DST: variants seen among roughly 807,000 people sequenced by gnomAD.
DST encodes the protein dystonin.
Under a neutral mutation model 875.2 loss-of-function variants are expected in DST, and 253 were observed. The ratio of observed to expected loss-of-function variants is 0.29; its 90% CI spans 0.26 to 0.32. The LOEUF (loss-of-function observed/expected upper bound fraction) is 0.32, where lower values mean the gene tolerates loss of function less well. Among genes scored for constraint, DST ranks in the 10% least tolerant of loss-of-function variants. The pLI is 1.00. For missense variants in DST, 8,287 were observed against 9,111.6 expected (o/e 0.91, Z 3.68); for synonymous variants, 3,124 against 3,197.1 (o/e 0.98, Z 0.77).
chr6:56,609,978 TAAG>T (rs1290084934), intron 39 of DST, among the ~76,000 whole-genome samples: 2 of 152,196 alleles, frequency 1.3e-5, no homozygotes, highest in African/African-American at 2.4e-5. Context: ...ATTTATACTT[TAAG>T]AAGATGCTAG....
intron 72 of DST, among the ~76,000 whole-genome samples, chr6:56,512,703 A>C (rs2096501540): frequency 6.6e-6 from 1 of 152,234 alleles, no homozygotes; most frequent in Non-Finnish European, 1.5e-5. Flanking sequence ...AAAATCAATT[A>C]TGAGCATTAT....
chr6:56,811,169 G>A (rs2099759470), intron 4 of DST, among the ~76,000 whole-genome samples: 1 of 115,124 alleles, frequency 8.7e-6, no homozygotes, highest in South Asian at 3.2e-4. Flanking sequence ...AGGCGACAGA[G>A]CAAGACCCTG....
chr6:56,565,120 T>A (rs2097646571), intron 55 of DST, among the ~76,000 whole-genome samples: 1 of 149,482 alleles, frequency 6.7e-6, no homozygotes, highest in African/African-American at 2.5e-5. Context: ...TTCTTTTTTT[T>A]TTTTCTTTTT....
In DST at chr6:56,689,261, A is replaced by C. The variant is rs78716468; in HGVS notation, c.1047+10392T>G. 6.1e-3 allele frequency among the ~76,000 whole-genome samples: 935 copies of C among 152,260 alleles called. 11 individuals carry two copies. The highest frequency in any genetic ancestry group is 0.022 in the African/African-American group (907 of 41,556). ...AGTACAGTATCCTCCTTTTATAGAAAATGAAACTGAGACCTAGAGAAATAA... is the reference window on the plus strand; with the variant it reads ...AGTACAGTATCCTCCTTTTATAGAACATGAAACTGAGACCTAGAGAAATAA... On this transcript the variant is annotated intron_variant, in intron 9 of 103. Transcript: ENST00000680361.
intron 98 of DST, 102 bp from the exon 99 acceptor site, chr6:56,466,297 T>C (rs2094572609): frequency 1.3e-6 from 1 of 751,984 alleles, no homozygotes; most frequent in African/African-American, 1.8e-5. Flanking sequence ...CTTTAATTTC[T>C]TGCTTAGTTC....
rs930891106 is a variant in DST at position 56,824,200 on chromosome 6, A to G, written c.625+27197T>C. On this transcript the variant is annotated intron_variant, in intron 4 of 103. Transcript: ENST00000680361. ...GTTTTCGTATTTTTTTGGTGGAGAC[A>G]GGGTTTCGCTTTGTTGGCCGGGCTG... is the stretch of plus-strand genomic sequence containing the variant. Among the ~76,000 whole-genome samples, 18 of 152,320 alleles carry G rather than the reference A, an allele frequency of 1.2e-4. No individual in the cohort carries two copies. In the East Asian group the frequency reaches 1.4e-3, roughly 11 times the overall value.
intron 13 of DST, among the ~76,000 whole-genome samples, chr6:56,646,773 T>A (rs138534469): frequency 2.7e-3 from 408 of 152,342 alleles, no homozygotes; most frequent in African/African-American, 9.3e-3. Flanking sequence ...AGTTACTATC[T>A]AGTTTGTATA....
chr6:56,916,569 T>C (rs143460003), intron 2 of DST, among the ~76,000 whole-genome samples: 139 of 152,020 alleles, frequency 9.1e-4, no homozygotes, highest in Non-Finnish European at 1.6e-3. Flanking sequence ...CTGGGCAACA[T>C]AGTGAGACCC....
chr6:56,604,780 A>C lies in DST; in HGVS notation c.9848T>G (p.Val3283Gly). 6.2e-7 allele frequency: 1 copy of C among 1,612,792 alleles called. No homozygotes were observed. The highest frequency in any genetic ancestry group is 8.5e-7 in the Non-Finnish European group (1 of 1,179,202). Reference sequence around the variant, plus strand: ...CGACTGCAGAAAATCATTTTTCCCAACATCTTCTACATGTTTACGAGATAA... The same window carrying C: ...CGACTGCAGAAAATCATTTTTCCCACCATCTTCTACATGTTTACGAGATAA... ...SILSRKHVED[V>G]GKNDFLQSER... Residue 3283 changes from valine (V) to glycine (G), a missense_variant, in exon 40 of 104, where the codon GTT becomes GGT. Coordinates refer to ENST00000680361, the MANE Select transcript of DST (RefSeq NM_001374736.1).
At chr6:56,846,940 T>C (rs1261366398) in intron 4 of DST, among the ~76,000 whole-genome samples, 13 of 142,204 alleles carry the variant, frequency 9.1e-5, no homozygotes, top group Non-Finnish European at 1.7e-4. Flanking sequence ...GAGGTAGAGG[T>C]TGCAGTGAGC....
At chr6:56,802,184 C>A (rs1025348189) in intron 4 of DST, among the ~76,000 whole-genome samples, 4 of 151,964 alleles carry the variant, frequency 2.6e-5, no homozygotes, top group African/African-American at 9.7e-5. Context: ...GCATTATTAG[C>A]AGAATGATGA....
At chr6:56,935,592 A>G (rs1274297125) in intron 2 of DST, among the ~76,000 whole-genome samples, 1 of 152,220 alleles carries the variant, frequency 6.6e-6, no homozygotes, top group African/African-American at 2.4e-5. Flanking sequence ...ACCTCAATCT[A>G]TTTTATGTAC....
chr6:56,954,767 G>T lies in DST; in HGVS notation c.-180C>A, dbSNP rs1824351570. ...GCACCCCGCGCCAGCCGCGCTACGCGAGTGATCCAGGGCTGCGGGGAGCGC... is the reference window on the plus strand; with the variant it reads ...GCACCCCGCGCCAGCCGCGCTACGCTAGTGATCCAGGGCTGCGGGGAGCGC... On this transcript the variant is annotated 5_prime_UTR_variant, in exon 1 of 104. Coordinates refer to ENST00000680361, the MANE Select transcript of DST (RefSeq NM_001374736.1). 1 of 187,400 alleles carries T rather than the reference G, an allele frequency of 5.3e-6. No homozygotes were observed. Among genetic ancestry groups the T allele is most frequent in the African/African-American group, 2.4e-5 (1 of 41,934 alleles). 11.6% of individuals were successfully genotyped at this position (187,400 alleles called of 1,614,324 possible).
chr6:56,693,712 C>T (rs1741599692), intron 9 of DST, among the ~76,000 whole-genome samples: 1 of 151,790 alleles, frequency 6.6e-6, no homozygotes, highest in Non-Finnish European at 1.5e-5. Flanking sequence ...GAAATACCAA[C>T]TAATTTTGGT....
At chr6:56,787,413 G>C (rs751594239) in intron 4 of DST, among the ~76,000 whole-genome samples, 1 of 152,148 alleles carries the variant, frequency 6.6e-6, no homozygotes, top group African/African-American at 2.4e-5. Flanking sequence ...GGAAGTACAG[G>C]ATTGAGTCCA....
chr6:56,659,667 C>G (rs2099028549), intron 10 of DST, among the ~76,000 whole-genome samples: 1 of 152,152 alleles, frequency 6.6e-6, no homozygotes, highest in Non-Finnish European at 1.5e-5. Flanking sequence ...ATTGCCACCT[C>G]TTCTGAGGAC....
In DST at chr6:56,605,992, TG is replaced by T. The variant is rs770541900; in HGVS notation, c.8635del (p.Gln2879SerfsTer2). The stretch of plus-strand genomic sequence containing the variant: ...GTTATTTTCACTAGGTGATGCTAGC[TG>T]TACAACATTTACCCTTTGCTGTTTT... ...LEKQQRVNVV[Q>X]LASPSENNLV... On this transcript the variant is annotated frameshift_variant, in exon 40 of 104. Transcript: ENST00000680361. LOFTEE classifies it high-confidence loss of function. 1 of 1,612,674 alleles carries T rather than the reference TG, an allele frequency of 6.2e-7. No homozygotes were observed. The highest frequency in any genetic ancestry group is 8.5e-7 in the Non-Finnish European group (1 of 1,179,082).
intron 2 of DST, among the ~76,000 whole-genome samples, chr6:56,930,594 C>T (rs147209009): frequency 7.0e-4 from 107 of 152,278 alleles, no homozygotes; most frequent in African/African-American, 2.4e-3. Flanking sequence ...AGATTCTAGA[C>T]GGGCTTTAAT....
chr6:56,774,524 G>T (rs1371065174), intron 4 of DST, among the ~76,000 whole-genome samples: 1 of 152,106 alleles, frequency 6.6e-6, no homozygotes, highest in African/African-American at 2.4e-5. Context: ...CTCTTTTACT[G>T]CCATCTTGAA....
Sources: allele counts gnomAD v4.1 joint callset (sites outside exome capture counted in the v4.1 genomes callset), GRCh38; gene constraint gnomAD v4.1.1; transcripts MANE v1.5; gene names NCBI Gene and HGNC (gene_info 2026-07-23, HGNC 2026-07-21).